The following BCAS3 variants were observed in gnomAD, a reference collection of about 807,000 sequenced individuals.
BCAS3 encodes the protein BCAS4/BCAS3 fusion.
Under a neutral mutation model 116.1 loss-of-function variants are expected in BCAS3, and 53 were observed. That is an observed-to-expected ratio of 0.46 (90% confidence interval 0.37 to 0.57). The LOEUF is 0.57. Ranked by LOEUF, BCAS3 falls within the 20% of genes least tolerant of loss-of-function variation. The pLI is 0.00. For synonymous variants in BCAS3, 391 were observed against 408.2 expected (o/e 0.96, Z 0.51); for missense variants, 917 against 1,165.4 (o/e 0.79, Z 3.10).
At chr17:60,749,879 AT>A (rs1381901789) in intron 6 of BCAS3, among the ~76,000 whole-genome samples, 1 of 152,220 alleles carries the variant, frequency 6.6e-6, no homozygotes, top group Non-Finnish European at 1.5e-5. Flanking sequence ...TTGAAAATTA[AT>A]CAATGGGATG....
chr17:61,291,013 C>T (rs1000388737), intron 22 of BCAS3, among the ~76,000 whole-genome samples: 4 of 152,128 alleles, frequency 2.6e-5, no homozygotes, highest in African/African-American at 4.8e-5. Flanking sequence ...ATCTCCTGAC[C>T]TCATAATCCA....
chr17:61,225,683 C>T (rs1329719841), intron 22 of BCAS3, among the ~76,000 whole-genome samples: 1 of 152,084 alleles, frequency 6.6e-6, no homozygotes, highest in Admixed American at 6.5e-5. Context: ...AAACCAGATC[C>T]TTAAATCTCT....
chr17:61,209,866 A>G (rs1252725566), intron 22 of BCAS3, among the ~76,000 whole-genome samples: 5 of 152,184 alleles, frequency 3.3e-5, no homozygotes, highest in Non-Finnish European at 4.4e-5. Context: ...AACAGCTTGT[A>G]TCTTGAAGGC....
In BCAS3 at chr17:61,020,131, A is replaced by G. The variant is rs368884791; in HGVS notation, c.1637+4230A>G. On this transcript the variant is annotated intron_variant, in intron 16 of 23. Transcript: ENST00000407086. The surrounding 1 kb of genome is among the most constrained non-coding windows in gnomAD (Gnocchi z 4.5). ...ATAAAGTGTTATATTTCTAAAGTAG[A>G]GATTTCTAAAGATTTCTAGGATCCA... Among the ~76,000 whole-genome samples the G allele has an allele frequency of 1.2e-3, 178 of 152,348 alleles. 1 individual carries two copies. The highest frequency in any genetic ancestry group is 3.6e-3 in the African/African-American group (149 of 41,590).
chr17:61,152,994 C>G (rs765702739), intron 22 of BCAS3, among the ~76,000 whole-genome samples: 1 of 152,180 alleles, frequency 6.6e-6, no homozygotes, highest in East Asian at 1.9e-4. Flanking sequence ...TACTAACTTA[C>G]AGTTTTTCTT....
intron 22 of BCAS3, among the ~76,000 whole-genome samples, chr17:61,304,087 T>C (rs2053651260): frequency 1.3e-5 from 2 of 152,202 alleles, no homozygotes; most frequent in African/African-American, 4.8e-5. Flanking sequence ...CACACACCAG[T>C]CACCAGTTCC....
chr17:60,867,927 C>G (rs768234415), intron 7 of BCAS3, among the ~76,000 whole-genome samples: 1 of 151,392 alleles, frequency 6.6e-6, no homozygotes, highest in East Asian at 1.9e-4. Flanking sequence ...TACCCTTTAT[C>G]GTATTAAGGA....
rs376476828 is a variant in BCAS3, at chr17:61,279,851, T to C, written c.2426-88476T>C. Among the ~76,000 whole-genome samples the C allele has an allele frequency of 7.2e-5, 11 of 152,198 alleles. No individual in the cohort carries two copies. The highest frequency in any genetic ancestry group is 2.6e-4 in the African/African-American group (11 of 41,532). On this transcript the variant is annotated intron_variant, in intron 22 of 23. Coordinates refer to ENST00000407086, the MANE Select transcript of BCAS3 (RefSeq NM_017679.5). The surrounding 1 kb of genome is among the most constrained non-coding windows in gnomAD (Gnocchi z 4.4). ...CTGCTGCAGGCTGATTGGATGACTG[T>C]GGCAGTACCAGCTTTGCTAAATCTC...
intron 16 of BCAS3, among the ~76,000 whole-genome samples, chr17:61,025,628 G>A (rs1378923858): frequency 2.0e-5 from 3 of 152,078 alleles, no homozygotes; most frequent in Admixed American, 1.3e-4. Flanking sequence ...TTTAAATGTG[G>A]ATGCTGACAT....
intron 5 of BCAS3, among the ~76,000 whole-genome samples, chr17:60,737,673 T>G (rs557098254): frequency 7.2e-5 from 11 of 152,142 alleles, no homozygotes; most frequent in Admixed American, 1.3e-4. Context: ...TAGAATTATG[T>G]TGTTTAATCT....
intron 4 of BCAS3, among the ~76,000 whole-genome samples, chr17:60,706,011 A>ACC (rs2037076981): frequency 6.6e-6 from 1 of 151,774 alleles, no homozygotes; most frequent in African/African-American, 2.4e-5. Context: ...GAGATGACCG[A>ACC]CCCCTCCTGT....
chr17:60,849,635 AG>A (rs1211945003), intron 7 of BCAS3, among the ~76,000 whole-genome samples: 5 of 152,186 alleles, frequency 3.3e-5, no homozygotes, highest in African/African-American at 1.2e-4. Flanking sequence ...AGTGGTGCCT[AG>A]TACTGGTTTT....
chr17:61,201,654 C>G (rs1189529684), intron 22 of BCAS3, among the ~76,000 whole-genome samples: 1 of 152,130 alleles, frequency 6.6e-6, no homozygotes, highest in Non-Finnish European at 1.5e-5. Flanking sequence ...CCATGACCCC[C>G]TTCGTGAAGT....
At position 61,380,012 on chromosome 17, in the gene BCAS3, C is replaced by T. The variant is rs1398739133; in HGVS notation, c.2593+11518C>T. ...GGGCCTTATAAGGCCTGGAGTTTCT[C>T]GGTTTCATGCGTTATCCATCCCCGA... On this transcript the variant is annotated intron_variant, in intron 23 of 23. Transcript: ENST00000407086. This position sits in a 1 kb window ranked among gnomAD's most constrained non-coding sequence, Gnocchi z 4.2. 4 of 159,268 alleles carry T rather than the reference C, an allele frequency of 2.5e-5. No individual in the cohort carries two copies. The highest frequency in any genetic ancestry group is 1.8e-4 in the Admixed American group (3 of 16,570). The allele number at this position is 159,268 out of a possible 1,614,324, so 9.9% of individuals were successfully genotyped here.
At chr17:61,334,872 G>A (rs1056093191) in intron 22 of BCAS3, among the ~76,000 whole-genome samples, 2 of 152,168 alleles carry the variant, frequency 1.3e-5, no homozygotes, top group Admixed American at 1.3e-4. Context: ...ACCCACTGAT[G>A]GGCCTTGGCC....
In BCAS3 at chr17:61,219,775, A is replaced by G. The variant is rs1216443264; in HGVS notation, c.2425+135211A>G. Among the ~76,000 whole-genome samples, 1 of 152,078 alleles carries G rather than the reference A, an allele frequency of 6.6e-6. No individual in the cohort carries two copies. ...GATGGCCGCCTTCCTGGTGACAAGC[A>G]CTTCTTATTTGGGCTGAGCAGTACT... On this transcript the variant is annotated intron_variant, in intron 22 of 23. Transcript: ENST00000407086. The surrounding 1 kb of genome is among the most constrained non-coding windows in gnomAD (Gnocchi z 5.2).
chr17:61,058,387 A>G (rs1464159112), intron 19 of BCAS3, among the ~76,000 whole-genome samples: 1 of 152,158 alleles, frequency 6.6e-6, no homozygotes, highest in African/African-American at 2.4e-5. Context: ...TGTGAAGAAC[A>G]TCTGTAACAA....
intron 5 of BCAS3, 78 bp downstream of exon 5, chr17:60,709,403 T>A: frequency 2.1e-6 from 2 of 932,002 alleles, no homozygotes; most frequent in Non-Finnish European, 3.4e-6. Context: ...GATACTTTTT[T>A]TTTTTGAGAC....
At chr17:60,880,577 C>T (rs765599964) in intron 9 of BCAS3, among the ~76,000 whole-genome samples, 19 of 152,298 alleles carry the variant, frequency 1.2e-4, no homozygotes, top group Admixed American at 4.6e-4. Context: ...CGTGAGCCAC[C>T]GCGCCTAGCC....
Sources: allele counts gnomAD v4.1 joint callset (sites outside exome capture counted in the v4.1 genomes callset), GRCh38; gene constraint gnomAD v4.1.1; non-coding constraint Gnocchi (gnomAD v3.1); transcripts MANE v1.5; gene names NCBI Gene and HGNC (gene_info 2026-07-23, HGNC 2026-07-21).